The following CAVIN4 variants were observed in gnomAD, a reference collection of about 807,000 sequenced individuals.
CAVIN4 encodes the protein caveolae associated protein 4, also known as caveolae-associated protein 4.
In CAVIN4, 10 loss-of-function variants were observed where a neutral mutation model predicts 18.6. The observed-to-expected ratio is 0.54, with a 90% CI of 0.33 to 0.91. CAVIN4 has a LOEUF of 0.91. Among genes scored for constraint, CAVIN4 ranks in the 40% least tolerant of loss-of-function variants. The probability of loss-of-function intolerance (pLI) is 0.02; values close to 1 mark genes in which losing one functional copy is unlikely to be tolerated. For missense variants in CAVIN4, 459 were observed against 440.5 expected, an observed-to-expected ratio of 1.04 and a Z score of -0.38; for synonymous variants, 173 against 164.8, an observed-to-expected ratio of 1.05 and a Z score of -0.38.
Position 100,586,272 on chromosome 9 carries a change from A to G in CAVIN4, c.916A>G (p.Ile306Val). 5.0e-6 allele frequency: 8 copies of G among 1,595,492 alleles called. No individual in the cohort carries two copies. Among genetic ancestry groups the G allele is most frequent in the East Asian group, 2.2e-5 (1 of 44,610 alleles). ...TGCCAGGAGCGAGTCTCTGGGCCCCATCAGTGAGCTCTACTCTGATGAGCT... is the reference window on the plus strand; with the variant it reads ...TGCCAGGAGCGAGTCTCTGGGCCCCGTCAGTGAGCTCTACTCTGATGAGCT... Reference protein sequence around the residue: ...IIARSESLGPISELYSDELSE... With the variant: ...IIARSESLGPVSELYSDELSE... The change falls in exon 2 of 2, where the codon ATC (isoleucine) becomes GTC (valine). Residue 306 changes from isoleucine (I) to valine (V), a missense_variant. Ile to Val is a conservative substitution (Grantham distance 29). Transcript: ENST00000307584.
chr9:100,584,924 T>A (rs1292875113), intron 1 of CAVIN4, among the ~76,000 whole-genome samples: 3 of 152,110 alleles, frequency 2.0e-5, no homozygotes, highest in Non-Finnish European at 1.5e-5. Context: ...GCTTGAGGAA[T>A]TGAGAGTGAT....
rs774996606 is a variant in CAVIN4, at chr9:100,586,300, G to C, written c.944G>C (p.Ser315Thr). ...PISELYSDEL[S>T]EPEHEAARPV... is the part of the protein sequence containing the mutation. ...AGTGAGCTCTACTCTGATGAGCTCAGTGAACCAGAACACGAGGCAGCCAGG... is the reference window on the plus strand; with the variant it reads ...AGTGAGCTCTACTCTGATGAGCTCACTGAACCAGAACACGAGGCAGCCAGG... Residue 315 changes from serine (S) to threonine (T), a missense_variant, in exon 2 of 2, where the codon AGT (serine) becomes ACT (threonine). Physicochemically the swap from Ser to Thr is moderately conservative, Grantham distance 58 (BLOSUM62 1). Coordinates refer to ENST00000307584, the MANE Select transcript of CAVIN4 (RefSeq NM_001018116.2). The C allele has an allele frequency of 6.2e-7, 1 of 1,613,386 alleles. No homozygotes were observed. The highest frequency in any genetic ancestry group is 1.7e-5 in the Admixed American group (1 of 59,962).
rs1469578901 is a variant in CAVIN4, at chr9:100,578,193, G to A, written c.50G>A (p.Arg17His). The A allele has an allele frequency of 4.3e-6, 7 of 1,613,792 alleles. No homozygotes were observed. The highest frequency in any genetic ancestry group is 1.1e-5 in the South Asian group (1 of 91,066). ...AATGCTGATAAAATCCACCAGAATCGCCTGTCGAGTGTTACAGAAGATGAA... is the reference window on the plus strand; with the variant it reads ...AATGCTGATAAAATCCACCAGAATCACCTGTCGAGTGTTACAGAAGATGAA... ...ASNADKIHQN[R>H]LSSVTEDEDQ... Residue 17 changes from arginine (R) to histidine (H), a missense_variant, in exon 1 of 2, where the codon CGC becomes CAC. Arg to His is a conservative substitution (Grantham distance 29). Transcript: ENST00000307584.
chr9:100,580,701 A>G (rs2151598), intron 1 of CAVIN4, among the ~76,000 whole-genome samples: 115,679 of 152,164 alleles, frequency 0.76, 44,425 homozygotes, highest in East Asian at 0.87. Flanking sequence ...AAGCAACTGA[A>G]GGGTGCTAGT....
Position 100,587,926 on chromosome 9 carries a change from T to C in CAVIN4, c.*1475T>C, listed in dbSNP as rs1839501065. 1 of 152,210 alleles carries C rather than the reference T, an allele frequency of 6.6e-6. No homozygotes were observed. The highest frequency in any genetic ancestry group is 1.9e-4 in the East Asian group (1 of 5,198). The allele number at this position is 152,210 out of a possible 1,614,324, so 9.4% of individuals were successfully genotyped here. Reference sequence around the variant, plus strand: ...AAAAAAGAAAAGAAAGAAATGGTAGTACTGATTCTGTACTTGAAGGATGTT... The same window carrying C: ...AAAAAAGAAAAGAAAGAAATGGTAGCACTGATTCTGTACTTGAAGGATGTT... On this transcript the variant is annotated 3_prime_UTR_variant, in exon 2 of 2. Transcript: ENST00000307584.
chr9:100,583,913 G>A (rs892545462), intron 1 of CAVIN4, among the ~76,000 whole-genome samples: 4 of 152,168 alleles, frequency 2.6e-5, no homozygotes, highest in Admixed American at 1.3e-4. Flanking sequence ...CCAGAGTGTT[G>A]GGATTACAGG....
At chr9:100,580,379 A>G (rs752239786) in intron 1 of CAVIN4, among the ~76,000 whole-genome samples, 1 of 152,232 alleles carries the variant, frequency 6.6e-6, no homozygotes, top group South Asian at 2.1e-4. Context: ...TGGGAAATGT[A>G]GTATCCATTC....
intron 1 of CAVIN4, among the ~76,000 whole-genome samples, chr9:100,583,676 T>G (rs544971031): frequency 1.1e-4 from 16 of 151,488 alleles, no homozygotes; most frequent in African/African-American, 3.9e-4. Context: ...AGACAGAGTC[T>G]TGCTGTGTCA....
upstream of CAVIN4, chr9:100,577,452 A>G (rs984973470): frequency 2.6e-5 from 4 of 152,600 alleles, no homozygotes; most frequent in African/African-American, 4.8e-5. Context: ...TCCTGTAGTA[A>G]TAGATTAATA....
In CAVIN4 at chr9:100,585,793, C is replaced by A; in HGVS notation, c.437C>A (p.Ser146Tyr). 1 of 1,614,050 alleles carries A rather than the reference C, an allele frequency of 6.2e-7. No individual in the cohort carries two copies. The highest frequency in any genetic ancestry group is 8.5e-7 in the Non-Finnish European group (1 of 1,180,004). The change falls in exon 2 of 2, where the codon TCT becomes TAT. Residue 146 changes from serine (S) to tyrosine (Y), a missense_variant. Coordinates refer to ENST00000307584, the MANE Select transcript of CAVIN4 (RefSeq NM_001018116.2). The stretch of plus-strand genomic sequence containing the variant: ...AAGTTTCGGTGTCCGACATCCCTGT[C>A]TGTTGTTAAAGACAGAAACCTAACT... ...QEKFRCPTSL[S>Y]VVKDRNLTEN...
intron 1 of CAVIN4, among the ~76,000 whole-genome samples, 195 bp downstream of exon 1, chr9:100,578,746 T>C (rs539912343): frequency 6.6e-6 from 1 of 152,342 alleles, no homozygotes; most frequent in East Asian, 1.9e-4. Context: ...TTTCGGTATT[T>C]TGAGCTTCTC....
At chr9:100,584,035 C>T (rs576285810) in intron 1 of CAVIN4, among the ~76,000 whole-genome samples, 61 of 152,302 alleles carry the variant, frequency 4.0e-4, no homozygotes, top group Admixed American at 9.2e-4. Flanking sequence ...TGCTATCTCT[C>T]TTACCCTCTT....
chr9:100,578,423 C>T lies in CAVIN4; in HGVS notation c.280C>T (p.Arg94Ter), dbSNP rs756194138. The T allele has an allele frequency of 6.2e-6, 10 of 1,613,744 alleles. No individual in the cohort carries two copies. Among genetic ancestry groups the T allele is most frequent in the African/African-American group, 1.3e-5 (1 of 74,806 alleles). ...CATTAACAAATTGTTTGAGAAAACC[C>T]GAAAAGTTAGTGCTCACATTAAAGA... ...HIINKLFEKT[R>*]KVSAHIKDVK... is the part of the protein sequence containing the mutation. The change falls in exon 1 of 2, where the codon CGA becomes TGA. Residue 94 changes from arginine (R) to a stop codon, truncating the protein, a stop_gained. Coordinates refer to ENST00000307584, the MANE Select transcript of CAVIN4 (RefSeq NM_001018116.2). LOFTEE classifies it high-confidence loss of function.
rs762719608 is a variant in CAVIN4, at chr9:100,578,413, T to A, written c.270T>A (p.Phe90Leu). The A allele has an allele frequency of 5.6e-6, 9 of 1,613,978 alleles. No homozygotes were observed. The East Asian group carries it at 1.8e-4, about 32-fold the overall frequency. Reference protein sequence around the residue: ...SNTGHIINKLFEKTRKVSAHI... With the variant: ...SNTGHIINKLLEKTRKVSAHI... ...CAGGGCATATCATTAACAAATTGTT[T>A]GAGAAAACCCGAAAAGTTAGTGCTC... The change falls in exon 1 of 2, where the codon TTT (phenylalanine) becomes TTA (leucine). Residue 90 changes from phenylalanine to leucine, a missense_variant. By Grantham distance (22) the Phe-to-Leu change is conservative. Transcript: ENST00000307584.
Position 100,586,375 on chromosome 9 carries a change from T to G in CAVIN4, c.1019T>G (p.Leu340Ter). The G allele has an allele frequency of 6.2e-7, 1 of 1,614,138 alleles. No homozygotes were observed. Among genetic ancestry groups the G allele is most frequent in the Non-Finnish European group, 8.5e-7 (1 of 1,180,030 alleles). Reference protein sequence around the residue: ...EGREIPTPEPLKVTFKSQVKV... With the variant: ...EGREIPTPEP ...AGGGAAATCCCCACCCCCGAGCCTT[T>G]AAAAGTTACTTTTAAATCTCAGGTG... The change falls in exon 2 of 2, where the codon TTA becomes TGA. Residue 340 changes from leucine (L) to a stop codon, truncating the protein, a stop_gained. Transcript: ENST00000307584. LOFTEE classifies it high-confidence loss of function.
In CAVIN4 at chr9:100,587,339, A is replaced by T. The variant is rs1272014222; in HGVS notation, c.*888A>T. 6.6e-6 allele frequency: 1 copy of T among 152,180 alleles called. No individual in the cohort carries two copies. The highest frequency in any genetic ancestry group is 1.5e-5 in the Non-Finnish European group (1 of 68,042). The allele number at this position is 152,180 out of a possible 1,614,324, so 9.4% of individuals were successfully genotyped here. A position where few individuals can be genotyped will look rare whatever the true frequency, so the allele number is the denominator to read the frequency against. ...TCCTTTTGATTAAGATCTTTGGTGG[A>T]CTATAGCACTAAATTTGTTTAAGCA... On this transcript the variant is annotated 3_prime_UTR_variant, in exon 2 of 2. Transcript: ENST00000307584.
intron 1 of CAVIN4, among the ~76,000 whole-genome samples, chr9:100,580,190 A>C (rs1249231471): frequency 6.6e-6 from 1 of 151,772 alleles, no homozygotes; most frequent in African/African-American, 2.4e-5. Context: ...CCTGCTACTT[A>C]GGAGGCTGAG....
chr9:100,580,086 T>TG (rs1564032926), intron 1 of CAVIN4, among the ~76,000 whole-genome samples: 3 of 143,304 alleles, frequency 2.1e-5, no homozygotes, highest in African/African-American at 5.3e-5. Flanking sequence ...CTTAAAAATT[T>TG]GGGAAAAAAA....
Position 100,578,406 on chromosome 9 carries a change from A to C in CAVIN4, c.263A>C (p.Lys88Thr). 1 of 1,614,182 alleles carries C rather than the reference A, an allele frequency of 6.2e-7. No individual in the cohort carries two copies. The highest frequency in any genetic ancestry group is 8.5e-7 in the Non-Finnish European group (1 of 1,180,010). Residue 88 changes from lysine (K) to threonine (T), a missense_variant, in exon 1 of 2, where the codon AAA becomes ACA. Coordinates refer to ENST00000307584, the MANE Select transcript of CAVIN4 (RefSeq NM_001018116.2). Reference sequence around the variant, plus strand: ...AGCAATACAGGGCATATCATTAACAAATTGTTTGAGAAAACCCGAAAAGTT... The same window carrying C: ...AGCAATACAGGGCATATCATTAACACATTGTTTGAGAAAACCCGAAAAGTT... ...SHSNTGHIIN[K>T]LFEKTRKVSA...
Sources: allele counts gnomAD v4.1 joint callset (sites outside exome capture counted in the v4.1 genomes callset), GRCh38; gene constraint gnomAD v4.1.1; transcripts MANE v1.5; gene names NCBI Gene and HGNC (gene_info 2026-07-23, HGNC 2026-07-21).